NCOA2: variants seen among roughly 807,000 people sequenced by gnomAD.
The protein encoded by NCOA2 is nuclear receptor coactivator 2.
In NCOA2, 21 loss-of-function variants were observed where a neutral mutation model predicts 145.1. That is an observed-to-expected ratio of 0.14 (90% CI 0.10 to 0.21). The LOEUF (loss-of-function observed/expected upper bound fraction) is 0.21, where lower values mean the gene tolerates loss of function less well. Ranked by LOEUF, NCOA2 falls within the 10% of genes least tolerant of loss-of-function variation. The pLI is 1.00. For missense variants in NCOA2, 1,472 were observed against 1,837.6 expected (o/e 0.80, Z 3.64); for synonymous variants, 619 against 637.5 (o/e 0.97, Z 0.44).
intron 10 of NCOA2, among the ~76,000 whole-genome samples, chr8:70,159,242 A>ATATATATATATATTT: frequency 1.1e-3 from 70 of 61,060 alleles, no homozygotes; most frequent in African/African-American, 3.6e-3. Context: ...ATATATATAT[A>ATATATATATATATTT]TTTTTTTTTT....
chr8:70,257,876 AC>A (rs1362697703), intron 2 of NCOA2, among the ~76,000 whole-genome samples: 4 of 150,960 alleles, frequency 2.6e-5, no homozygotes, highest in Non-Finnish European at 4.4e-5. Flanking sequence ...CTCCGCAACA[AC>A]AGCAAAAAAA....
chr8:70,308,190 A>C (rs1321294856), intron 1 of NCOA2, among the ~76,000 whole-genome samples: 3 of 152,208 alleles, frequency 2.0e-5, no homozygotes, highest in African/African-American at 7.2e-5. Flanking sequence ...AAATTTCAGT[A>C]AATGTGAAGA....
chr8:70,138,486 T>C (rs1810001571), intron 14 of NCOA2, among the ~76,000 whole-genome samples, 154 bp from the exon 15 acceptor site: 1 of 152,258 alleles, frequency 6.6e-6, no homozygotes, highest in Non-Finnish European at 1.5e-5. Flanking sequence ...AAAATTCTGA[T>C]TCTGAAATAG....
intron 4 of NCOA2, among the ~76,000 whole-genome samples, chr8:70,198,936 T>G (rs756869468): frequency 6.6e-6 from 1 of 151,958 alleles, no homozygotes; most frequent in East Asian, 1.9e-4. Flanking sequence ...GGACGGACAA[T>G]GAAACTGTAA....
chr8:70,304,182 T>C (rs1448140748), intron 1 of NCOA2, among the ~76,000 whole-genome samples: 1 of 152,216 alleles, frequency 6.6e-6, no homozygotes, highest in Non-Finnish European at 1.5e-5. Flanking sequence ...CATTTGTCAA[T>C]GACACACTGC....
intron 1 of NCOA2, among the ~76,000 whole-genome samples, chr8:70,320,731 G>A (rs1226927665): frequency 1.3e-5 from 2 of 151,940 alleles, no homozygotes; most frequent in Non-Finnish European, 2.9e-5. Flanking sequence ...CTGATACTCT[G>A]TTAAAAAAAA....
chr8:70,205,337 A>C (rs906448080), intron 4 of NCOA2, among the ~76,000 whole-genome samples: 2 of 152,224 alleles, frequency 1.3e-5, no homozygotes, highest in African/African-American at 4.8e-5. Context: ...CAAAGTGAAA[A>C]AGCACAAGTA....
At chr8:70,179,120 AG>A (rs1386349724) in intron 4 of NCOA2, among the ~76,000 whole-genome samples, 1 of 152,214 alleles carries the variant, frequency 6.6e-6, no homozygotes, top group Non-Finnish European at 1.5e-5. Flanking sequence ...AAAAGAAAAA[AG>A]GGTGAAGAAT....
rs537910564 is a variant in NCOA2, at chr8:70,398,860, G to T, written c.-77+4840C>A. Among the ~76,000 whole-genome samples, 364 of 152,232 alleles carry T rather than the reference G, an allele frequency of 2.4e-3. 2 individuals carry two copies. Among genetic ancestry groups the T allele is most frequent in the African/African-American group, 8.2e-3 (341 of 41,532 alleles). On this transcript the variant is annotated intron_variant, in intron 1 of 22. Coordinates refer to ENST00000452400, the MANE Select transcript of NCOA2 (RefSeq NM_006540.4). ...CACAGCCATGGGGACCCAGAAATGT[G>T]GTCATTGATCAACATTTCATAGAGT...
At chr8:70,333,673 C>T (rs1807300821) in intron 1 of NCOA2, among the ~76,000 whole-genome samples, 2 of 152,190 alleles carry the variant, frequency 1.3e-5, no homozygotes, top group African/African-American at 2.4e-5. Flanking sequence ...ACCCAGTACA[C>T]GTTAATGGTG....
At chr8:70,276,864 A>G (rs1194101923) in intron 2 of NCOA2, among the ~76,000 whole-genome samples, 1 of 152,178 alleles carries the variant, frequency 6.6e-6, no homozygotes, top group Non-Finnish European at 1.5e-5. Flanking sequence ...AACAGACATC[A>G]TCTACATGGC....
chr8:70,359,641 G>A (rs1005312304), intron 1 of NCOA2, among the ~76,000 whole-genome samples: 2 of 152,116 alleles, frequency 1.3e-5, no homozygotes, highest in African/African-American at 4.8e-5. Flanking sequence ...CTAGAGAGAG[G>A]TGGTGGTTAC....
At chr8:70,384,900 C>T (rs971224663) in intron 1 of NCOA2, among the ~76,000 whole-genome samples, 3 of 152,148 alleles carry the variant, frequency 2.0e-5, no homozygotes, top group Non-Finnish European at 4.4e-5. Context: ...TTGAATCAGA[C>T]CTACCAAGTG....
intron 5 of NCOA2, among the ~76,000 whole-genome samples, chr8:70,171,442 C>A (rs904169357): frequency 4.6e-5 from 7 of 152,180 alleles, no homozygotes; most frequent in Non-Finnish European, 1.0e-4. Context: ...TATTCATTCA[C>A]CCCTAATCCA....
chr8:70,216,833 T>C (rs1819669323), intron 2 of NCOA2, 69 bp from the exon 3 acceptor site: 3 of 987,914 alleles, frequency 3.0e-6, no homozygotes, highest in Non-Finnish European at 4.8e-6. Flanking sequence ...CTGATCATTT[T>C]ACCAACAATA....
intron 1 of NCOA2, among the ~76,000 whole-genome samples, chr8:70,363,079 T>TAA (rs777122942): frequency 1.5e-3 from 145 of 99,774 alleles, no homozygotes; most frequent in African/African-American, 3.1e-3. Context: ...ACTCTGTCTT[T>TAA]AAAAAAAAAA....
chr8:70,190,928 C>T, intron 4 of NCOA2, among the ~76,000 whole-genome samples: 1 of 152,086 alleles, frequency 6.6e-6, no homozygotes, highest in East Asian at 1.9e-4. Flanking sequence ...GAATGGGAGT[C>T]TAAAAATCAA....
chr8:70,125,447 G>C (rs1808307951), intron 19 of NCOA2, among the ~76,000 whole-genome samples: 1 of 152,066 alleles, frequency 6.6e-6, no homozygotes, highest in South Asian at 2.1e-4. Context: ...ATTTTTAGTA[G>C]AGATAAGGTC....
intron 2 of NCOA2, among the ~76,000 whole-genome samples, chr8:70,252,098 T>C (rs1823236908): frequency 6.6e-6 from 1 of 152,260 alleles, no homozygotes; most frequent in Admixed American, 6.5e-5. Context: ...ACTATTTTTA[T>C]TGGTTTTTAA....
Sources: gnomAD v4.1 joint callset for allele counts (sites outside exome capture counted in the v4.1 genomes callset) on GRCh38, gnomAD v4.1.1 for gene constraint, MANE v1.5 for transcripts, NCBI Gene and HGNC (gene_info 2026-07-23, HGNC 2026-07-21) for gene names.